The following SGCZ variants were observed in gnomAD, a reference collection of about 807,000 sequenced individuals.
The protein encoded by SGCZ is zeta-sarcoglycan.
Under a neutral mutation model 41.3 loss-of-function variants are expected in SGCZ, and 40 were observed. The observed-to-expected ratio is 0.97, with a 90% confidence interval of 0.75 to 1.26. SGCZ has a LOEUF of 1.26. SGCZ is among the 50% of genes most tolerant of loss of function. The pLI, the probability that SGCZ is intolerant of heterozygous loss-of-function variation, is 0.00. For missense variants in SGCZ, 552 were observed against 369.8 expected, an observed-to-expected ratio of 1.49 and a Z score of -4.04; for synonymous variants, 206 against 137.5, an observed-to-expected ratio of 1.50 and a Z score of -3.49.
At chr8:14,680,815 A>G (rs1563198995) in intron 1 of SGCZ, among the ~76,000 whole-genome samples, 1 of 151,996 alleles carries the variant, frequency 6.6e-6, no homozygotes, top group Non-Finnish European at 1.5e-5. Flanking sequence ...CACAAATTAA[A>G]CTCCCAAAGA....
intron 3 of SGCZ, among the ~76,000 whole-genome samples, chr8:14,296,912 T>C (rs1323842679): frequency 1.3e-5 from 2 of 152,166 alleles, no homozygotes; most frequent in African/African-American, 4.8e-5. Flanking sequence ...CAAAATATTT[T>C]TAACTGAATA....
intron 1 of SGCZ, among the ~76,000 whole-genome samples, chr8:14,637,226 G>C (rs1442412134): frequency 1.3e-5 from 2 of 151,572 alleles, no homozygotes; most frequent in Non-Finnish European, 2.9e-5. Flanking sequence ...CTGTTTTCTA[G>C]ACCCTGTCAA....
chr8:14,506,351 C>T lies in SGCZ; in HGVS notation c.234+48381G>A, dbSNP rs138342118. On this transcript the variant is annotated intron_variant, in intron 2 of 7. Coordinates refer to ENST00000382080, the MANE Select transcript of SGCZ (RefSeq NM_139167.4). ...ACCTCTCCATTTGTACATTAGCTCCCGTTTCCTCTTAGCCACTCAAAGACA... is the reference window on the plus strand; with the variant it reads ...ACCTCTCCATTTGTACATTAGCTCCTGTTTCCTCTTAGCCACTCAAAGACA... Among the ~76,000 whole-genome samples the T allele has an allele frequency of 4.5e-4, 68 of 152,240 alleles. No homozygotes were observed. In the East Asian group the frequency reaches 9.3e-3, roughly 21 times the overall value.
intron 1 of SGCZ, among the ~76,000 whole-genome samples, chr8:15,001,314 CTG>C (rs1281225404): frequency 6.6e-6 from 1 of 152,186 alleles, no homozygotes; most frequent in African/African-American, 2.4e-5. Flanking sequence ...CTTTCTGCGG[CTG>C]TTGGATGCAT....
At chr8:14,361,617 G>A (rs995620471) in intron 2 of SGCZ, among the ~76,000 whole-genome samples, 1 of 152,144 alleles carries the variant, frequency 6.6e-6, no homozygotes, top group African/African-American at 2.4e-5. Context: ...CTTGCGATGG[G>A]TTAGAACATG....
chr8:15,196,443 C>T (rs1800734128), intron 1 of SGCZ, among the ~76,000 whole-genome samples: 1 of 152,124 alleles, frequency 6.6e-6, no homozygotes, highest in Admixed American at 6.5e-5. Context: ...AGCTAGAATA[C>T]ATGAAATGTT....
chr8:14,480,854 A>G (rs1220594595), intron 2 of SGCZ, among the ~76,000 whole-genome samples: 2 of 152,082 alleles, frequency 1.3e-5, no homozygotes, highest in Non-Finnish European at 2.9e-5. Context: ...CCCATGATAC[A>G]AGTTTAATTA....
intron 1 of SGCZ, among the ~76,000 whole-genome samples, chr8:15,206,765 G>A (rs1488777037): frequency 6.6e-6 from 1 of 150,656 alleles, no homozygotes; most frequent in East Asian, 1.9e-4. Flanking sequence ...TCTTTAATGA[G>A]CAACTAAAGA....
chr8:15,130,664 T>C (rs1807862632), intron 1 of SGCZ, among the ~76,000 whole-genome samples: 1 of 152,196 alleles, frequency 6.6e-6, no homozygotes, highest in Non-Finnish European at 1.5e-5. Flanking sequence ...ATAAATGATA[T>C]AATGAGGCTG....
rs1044134242 is a variant in SGCZ at position 14,087,997 on chromosome 8, T to G, written c.*2446A>C. On this transcript the variant is annotated 3_prime_UTR_variant, in exon 8 of 8. Coordinates refer to ENST00000382080, the MANE Select transcript of SGCZ (RefSeq NM_139167.4). ...GTAAGTTACTTTTGAATTATGTCTA[T>G]ACTTCTCAGAATGCATTTGAATTAA... Among the ~76,000 whole-genome samples the G allele has an allele frequency of 6.6e-6, 1 of 151,882 alleles. No individual in the cohort carries two copies. Among genetic ancestry groups the G allele is most frequent in the African/African-American group, 2.4e-5 (1 of 41,410 alleles).
At chr8:15,040,636 A>T (rs1459963974) in intron 1 of SGCZ, among the ~76,000 whole-genome samples, 1 of 152,076 alleles carries the variant, frequency 6.6e-6, no homozygotes, top group African/African-American at 2.4e-5. Flanking sequence ...CAAAAAAGTG[A>T]TTTCACTTCC....
chr8:14,815,231 T>A (rs764782538), intron 1 of SGCZ, among the ~76,000 whole-genome samples: 14 of 148,366 alleles, frequency 9.4e-5, no homozygotes, highest in Non-Finnish European at 1.8e-4. Flanking sequence ...TTGAGTAGAT[T>A]ATCTCAATTT....
At chr8:14,622,263 T>C (rs1806311002) in intron 1 of SGCZ, among the ~76,000 whole-genome samples, 1 of 152,190 alleles carries the variant, frequency 6.6e-6, no homozygotes, top group South Asian at 2.1e-4. Context: ...AGTGAGTAAC[T>C]GTTAAATGTG....
At chr8:14,468,874 T>C (rs1464268858) in intron 2 of SGCZ, among the ~76,000 whole-genome samples, 1 of 152,076 alleles carries the variant, frequency 6.6e-6, no homozygotes, top group Non-Finnish European at 1.5e-5. Context: ...ATAATGAATA[T>C]AAAGTAATAA....
chr8:14,957,049 G>C (rs1800816081), intron 1 of SGCZ, among the ~76,000 whole-genome samples: 1 of 152,096 alleles, frequency 6.6e-6, no homozygotes. Flanking sequence ...GAATTTATAT[G>C]GTTAATTTGA....
At chr8:14,330,708 A>G (rs1199888552) in intron 2 of SGCZ, among the ~76,000 whole-genome samples, 2 of 152,050 alleles carry the variant, frequency 1.3e-5, no homozygotes, top group Non-Finnish European at 2.9e-5. Flanking sequence ...CTCTTGAGTT[A>G]CCTGAAATTA....
intron 2 of SGCZ, among the ~76,000 whole-genome samples, chr8:14,343,447 G>A (rs549550946): frequency 6.6e-6 from 1 of 152,238 alleles, no homozygotes; most frequent in East Asian, 1.9e-4. Context: ...TAAGATCCTG[G>A]GAAAAAGAGA....
intron 4 of SGCZ, among the ~76,000 whole-genome samples, chr8:14,204,183 T>C (rs1351775940): frequency 6.6e-6 from 1 of 151,956 alleles, no homozygotes; most frequent in East Asian, 1.9e-4. Flanking sequence ...AAATGGGGCA[T>C]AAAACGAAAG....
In SGCZ at chr8:15,052,696, C is replaced by T. The variant is rs557952994; in HGVS notation, c.39+184889G>A. Reference sequence around the variant, plus strand: ...AAAAAAAATTAAGACTTTATGGACACGTGCATTTTAGAAATGCTAAACACC... The same window carrying T: ...AAAAAAAATTAAGACTTTATGGACATGTGCATTTTAGAAATGCTAAACACC... On this transcript the variant is annotated intron_variant, in intron 1 of 7. Transcript: ENST00000382080. Among the ~76,000 whole-genome samples the T allele has an allele frequency of 6.6e-3, 999 of 152,216 alleles. 9 individuals are homozygous for T. The highest frequency in any genetic ancestry group is 0.011 in the Non-Finnish European group (739 of 68,012).
Sources: gnomAD v4.1 joint callset for allele counts (sites outside exome capture counted in the v4.1 genomes callset) on GRCh38, gnomAD v4.1.1 for gene constraint, MANE v1.5 for transcripts, NCBI Gene and HGNC (gene_info 2026-07-23, HGNC 2026-07-21) for gene names.